CFAP61: variants seen among roughly 807,000 people sequenced by gnomAD.
CFAP61 encodes the protein cilia- and flagella-associated protein 61.
In CFAP61, 107 loss-of-function variants were observed where a neutral mutation model predicts 135.6. The observed-to-expected ratio is 0.79, with a 90% CI of 0.67 to 0.93. CFAP61 has a LOEUF of 0.93. Ranked by LOEUF, CFAP61 falls within the 40% of genes least tolerant of loss-of-function variation. The pLI is 0.00. For missense variants in CFAP61, 1,507 were observed against 1,556.2 expected (o/e 0.97, Z 0.53); for synonymous variants, 575 against 578.5 (o/e 0.99, Z 0.09).
intron 25 of CFAP61, among the ~76,000 whole-genome samples, chr20:20,318,473 A>T (rs1331445537): frequency 1.3e-5 from 2 of 152,206 alleles, no homozygotes; most frequent in Non-Finnish European, 2.9e-5. Flanking sequence ...GGACACTGGG[A>T]GGAGACTTTC....
intron 1 of CFAP61, chr20:20,055,935 T>C: frequency 4.4e-6 from 7 of 1,592,410 alleles, no homozygotes; most frequent in Non-Finnish European, 6.0e-6. Context: ...ATTGAAATCA[T>C]TTTGTGACCT....
At chr20:20,079,616 A>G (rs1435801070) in intron 6 of CFAP61, among the ~76,000 whole-genome samples, 1 of 152,182 alleles carries the variant, frequency 6.6e-6, no homozygotes, top group Admixed American at 6.5e-5. Flanking sequence ...AGAGCGGGGC[A>G]GCATGTCTCT....
Position 20,056,986 on chromosome 20 carries a change from C to T in CFAP61, c.143+190C>T, listed in dbSNP as rs3828005. Among the ~76,000 whole-genome samples, 299 of 152,076 alleles carry T rather than the reference C, an allele frequency of 2.0e-3. 8 individuals are homozygous for T. Among genetic ancestry groups the T allele is most frequent in the East Asian group, 0.014 (71 of 5,162 alleles). On this transcript the variant is annotated intron_variant, in intron 2 of 26. Coordinates refer to ENST00000245957, the MANE Select transcript of CFAP61 (RefSeq NM_015585.4). ...TACAATAATCAGCTGGGCGTGGTGG[C>T]GCATGCCTGTAATCCCAGCTGCTCG...
chr20:20,198,258 C>T (rs536851046), intron 16 of CFAP61, among the ~76,000 whole-genome samples: 1 of 152,296 alleles, frequency 6.6e-6, no homozygotes, highest in Non-Finnish European at 1.5e-5. Flanking sequence ...TTTTACTTTG[C>T]ACTTGGCCAA....
intron 25 of CFAP61, among the ~76,000 whole-genome samples, chr20:20,306,195 T>G (rs1242932341): frequency 3.3e-5 from 5 of 152,192 alleles, no homozygotes; most frequent in African/African-American, 1.2e-4. Context: ...ACATGTCTGT[T>G]TTCAGATATT....
At chr20:20,130,665 ACAGT>A (rs1362832555) in intron 8 of CFAP61, among the ~76,000 whole-genome samples, 4 of 151,682 alleles carry the variant, frequency 2.6e-5, no homozygotes, top group Non-Finnish European at 4.4e-5. Flanking sequence ...ATTCTAGCAA[ACAGT>A]CAGAGTGCCA....
At chr20:20,073,449 A>G (rs925818523) in intron 3 of CFAP61, among the ~76,000 whole-genome samples, 4 of 152,232 alleles carry the variant, frequency 2.6e-5, no homozygotes, top group East Asian at 1.9e-4. Flanking sequence ...CTGGTCCCAC[A>G]AAGCTGTCCA....
At chr20:20,145,849 G>A (rs530782347) in intron 9 of CFAP61, among the ~76,000 whole-genome samples, 5 of 152,228 alleles carry the variant, frequency 3.3e-5, no homozygotes, top group South Asian at 4.2e-4. Flanking sequence ...CAAAACATAC[G>A]AAGCAAAAAG....
intron 25 of CFAP61, among the ~76,000 whole-genome samples, chr20:20,317,752 A>G (rs1158205466): frequency 2.0e-5 from 3 of 152,168 alleles, no homozygotes; most frequent in Non-Finnish European, 4.4e-5. Flanking sequence ...AATAGAACCC[A>G]GCGCAGTCAC....
intron 25 of CFAP61, among the ~76,000 whole-genome samples, chr20:20,316,179 T>C (rs2057128149): frequency 6.6e-6 from 1 of 152,118 alleles, no homozygotes; most frequent in Non-Finnish European, 1.5e-5. Flanking sequence ...GAGCATGGAA[T>C]GTTCTTCCAT....
intron 15 of CFAP61, among the ~76,000 whole-genome samples, 187 bp from the exon 16 acceptor site, chr20:20,196,383 A>G (rs1196073337): frequency 6.6e-6 from 1 of 152,212 alleles, no homozygotes; most frequent in Non-Finnish European, 1.5e-5. Flanking sequence ...CATCAGAACA[A>G]CTAGCACTCA....
At chr20:20,184,206 T>C (rs145946294) in intron 13 of CFAP61, among the ~76,000 whole-genome samples, 201 of 152,296 alleles carry the variant, frequency 1.3e-3, no homozygotes, top group African/African-American at 4.6e-3. Context: ...AACAACACTC[T>C]TTATAACTCA....
chr20:20,091,759 C>A (rs772798350), intron 7 of CFAP61, among the ~76,000 whole-genome samples: 2 of 152,064 alleles, frequency 1.3e-5, no homozygotes, highest in Non-Finnish European at 2.9e-5. Flanking sequence ...CTCACTGCAA[C>A]CTCCGCCTCT....
intron 8 of CFAP61, among the ~76,000 whole-genome samples, chr20:20,125,339 T>C (rs1218009044): frequency 6.6e-6 from 1 of 151,784 alleles, no homozygotes. Flanking sequence ...GTCAGTCTTT[T>C]TGATGTAGGT....
intron 8 of CFAP61, among the ~76,000 whole-genome samples, chr20:20,119,580 T>A (rs2049449824): frequency 6.6e-6 from 1 of 152,190 alleles, no homozygotes. Flanking sequence ...ATCTTCTATA[T>A]TTTTTGGTCT....
intron 18 of CFAP61, among the ~76,000 whole-genome samples, chr20:20,238,770 T>C (rs776223504): frequency 6.6e-6 from 1 of 152,216 alleles, no homozygotes; most frequent in Non-Finnish European, 1.5e-5. Context: ...TCCTGAAGCA[T>C]GGAATGAAAC....
Position 20,196,713 on chromosome 20 carries a change from C to A in CFAP61, c.1734C>A (p.Ile578=). 1 of 1,614,174 alleles carries A rather than the reference C, an allele frequency of 6.2e-7. No individual in the cohort carries two copies. The highest frequency in any genetic ancestry group is 8.5e-7 in the Non-Finnish European group (1 of 1,180,036). Reference sequence around the variant, plus strand: ...ACACCAAGTTCTTTCTGAAGGAGATCCTGCGTTTAGGCTTTAAATCCTGTC... The same window carrying A: ...ACACCAAGTTCTTTCTGAAGGAGATACTGCGTTTAGGCTTTAAATCCTGTC... ...RHYTKFFLKE[I]LRLGFKSCLY... Residue 578 remains isoleucine, a synonymous_variant, in exon 16 of 27, where the codon ATC becomes ATA. Coordinates refer to ENST00000245957, the MANE Select transcript of CFAP61 (RefSeq NM_015585.4).
intron 20 of CFAP61, 76 bp from the exon 21 acceptor site, chr20:20,262,880 C>A: frequency 1.3e-6 from 1 of 796,492 alleles, no homozygotes; most frequent in East Asian, 2.8e-5. Flanking sequence ...ATTGCTATGT[C>A]TACTTTTTTT....
intron 24 of CFAP61, among the ~76,000 whole-genome samples, chr20:20,295,313 C>T (rs1184887462): frequency 1.3e-5 from 2 of 152,150 alleles, no homozygotes; most frequent in Admixed American, 6.5e-5. Context: ...TCAAGGTGTG[C>T]CCCCTTGACA....
Sources: gnomAD v4.1 joint callset for allele counts (sites outside exome capture counted in the v4.1 genomes callset) on GRCh38, gnomAD v4.1.1 for gene constraint, MANE v1.5 for transcripts, NCBI Gene and HGNC (gene_info 2026-07-23, HGNC 2026-07-21) for gene names.